CADPS2: variants seen among roughly 807,000 people sequenced by gnomAD.
CADPS2 encodes calcium dependent secretion activator 2.
Under a neutral mutation model 172.5 loss-of-function variants are expected in CADPS2, and 93 were observed. That is an observed-to-expected ratio of 0.54 (90% CI 0.46 to 0.64). The LOEUF is 0.64. Ranked by LOEUF, CADPS2 falls within the 30% of genes least tolerant of loss-of-function variation. The pLI is 0.00. For synonymous variants in CADPS2, 546 were observed against 555.2 expected, an observed-to-expected ratio of 0.98 and a Z score of 0.23; for missense variants, 1,420 against 1,565.9, an observed-to-expected ratio of 0.91 and a Z score of 1.57.
At chr7:122,845,588 T>A (rs114005465) in intron 1 of CADPS2, among the ~76,000 whole-genome samples, 2,231 of 152,208 alleles carry the variant, frequency 0.015, 54 homozygotes, top group African/African-American at 0.051. Context: ...CCTCGCTACA[T>A]CCCCTCAGGA....
chr7:122,338,678 A>G (rs1380912033), intron 28 of CADPS2, among the ~76,000 whole-genome samples: 1 of 152,208 alleles, frequency 6.6e-6, no homozygotes, highest in African/African-American at 2.4e-5. Flanking sequence ...AGACCATATA[A>G]CAACTATACA....
rs573426549 is a variant in CADPS2 at position 122,320,379 on chromosome 7, A to G, written c.3718-41T>C. 7.9e-6 allele frequency: 12 copies of G among 1,516,384 alleles called. No individual in the cohort carries two copies. In the East Asian group the frequency reaches 2.6e-4, roughly 32 times the overall value. 93.9% of individuals were successfully genotyped at this position (1,516,384 alleles called of 1,614,324 possible). A position where few individuals can be genotyped will look rare whatever the true frequency, so the allele number is the denominator to read the frequency against. On this transcript the variant is annotated intron_variant, in intron 29 of 29. Transcript: ENST00000449022. ...AAAATTTGCTTAGCTCACTTAGATT[A>G]TATGCGTGTACATAGATATATACTC... is the stretch of plus-strand genomic sequence containing the variant.
chr7:122,729,482 C>G (rs572305792), intron 2 of CADPS2, among the ~76,000 whole-genome samples: 46 of 151,884 alleles, frequency 3.0e-4, no homozygotes, highest in Non-Finnish European at 5.5e-4. Context: ...TACATTCCCA[C>G]CAACAGTATA....
intron 20 of CADPS2, among the ~76,000 whole-genome samples, chr7:122,395,272 C>T (rs1279727606): frequency 1.3e-5 from 2 of 152,138 alleles, no homozygotes; most frequent in East Asian, 3.9e-4. Flanking sequence ...GGAAGTAATT[C>T]TAAACACAGA....
intron 2 of CADPS2, among the ~76,000 whole-genome samples, chr7:122,710,048 A>AT (rs1231204839): frequency 8.0e-6 from 1 of 125,506 alleles, no homozygotes; most frequent in Non-Finnish European, 1.7e-5. Context: ...TTAAAGTATA[A>AT]TAAAAAAAAA....
intron 2 of CADPS2, among the ~76,000 whole-genome samples, chr7:122,701,451 A>C (rs907005021): frequency 6.6e-6 from 1 of 152,066 alleles, no homozygotes; most frequent in East Asian, 1.9e-4. Flanking sequence ...GGGGTGGGGG[A>C]AGCGGGGAGG....
chr7:122,874,918 C>T (rs886723944), intron 1 of CADPS2, among the ~76,000 whole-genome samples: 2 of 151,978 alleles, frequency 1.3e-5, no homozygotes, highest in Non-Finnish European at 2.9e-5. Context: ...AGACCTAAAA[C>T]CATAAAAACC....
chr7:122,480,629 A>G (rs2057175764), intron 12 of CADPS2, among the ~76,000 whole-genome samples: 1 of 152,122 alleles, frequency 6.6e-6, no homozygotes, highest in Non-Finnish European at 1.5e-5. Context: ...ATTCGTGGCT[A>G]TTACCCTTGT....
intron 17 of CADPS2, among the ~76,000 whole-genome samples, chr7:122,421,361 A>C (rs1370234480): frequency 6.6e-6 from 1 of 152,190 alleles, no homozygotes; most frequent in Non-Finnish European, 1.5e-5. Context: ...TTGCAGCTAA[A>C]CAATAAATAG....
chr7:122,713,127 T>C (rs1049593811), intron 2 of CADPS2, among the ~76,000 whole-genome samples: 5 of 152,128 alleles, frequency 3.3e-5, no homozygotes, highest in African/African-American at 9.7e-5. Context: ...ATACAGCATA[T>C]CTGTTCACAA....
chr7:122,687,123 C>T (rs554064976), intron 2 of CADPS2, among the ~76,000 whole-genome samples: 3 of 152,214 alleles, frequency 2.0e-5, no homozygotes, highest in Non-Finnish European at 4.4e-5. Flanking sequence ...ACTTTTTACA[C>T]AAGGGAGCTA....
chr7:122,863,159 G>A (rs1277632822), intron 1 of CADPS2, among the ~76,000 whole-genome samples: 1 of 152,114 alleles, frequency 6.6e-6, no homozygotes, highest in Non-Finnish European at 1.5e-5. Context: ...TTTCAAAATG[G>A]TGAGCAATTC....
chr7:122,525,153 T>C (rs1221485754), intron 8 of CADPS2, among the ~76,000 whole-genome samples: 2 of 151,682 alleles, frequency 1.3e-5, no homozygotes, highest in East Asian at 2.0e-4. Flanking sequence ...AAAAAAAAAA[T>C]TCTTTAAAAA....
chr7:122,751,967 G>C (rs1214740509), intron 1 of CADPS2, among the ~76,000 whole-genome samples: 4 of 152,094 alleles, frequency 2.6e-5, no homozygotes, highest in Non-Finnish European at 1.5e-5. Flanking sequence ...CTGAAGAAGA[G>C]CGAGTCCTTA....
At chr7:122,779,884 T>C (rs1309694995) in intron 1 of CADPS2, among the ~76,000 whole-genome samples, 1 of 151,928 alleles carries the variant, frequency 6.6e-6, no homozygotes, top group Admixed American at 6.5e-5. Context: ...TCCATTGACT[T>C]CCTAGGTAGC....
At chr7:122,611,782 C>T (rs1294941418) in intron 6 of CADPS2, among the ~76,000 whole-genome samples, 1 of 151,998 alleles carries the variant, frequency 6.6e-6, no homozygotes, top group East Asian at 1.9e-4. Flanking sequence ...AGGACAATAT[C>T]TCTTATGAAT....
Position 122,508,449 on chromosome 7 carries a change from G to GTTTTTTTTTTTTT in CADPS2, c.1542+4787_1542+4799dup, listed in dbSNP as rs1205155217. On this transcript the variant is annotated intron_variant, in intron 9 of 29. Transcript: ENST00000449022. ...TCCAGTTATTTATTTATTCATTTAA[G>GTTTTTTTTTTTTT]TTTTTTTTTTTTTTTTTTTTTTTTT... Among the ~76,000 whole-genome samples, 35 of 68,430 alleles carry GTTTTTTTTTTTTT rather than the reference G, an allele frequency of 5.1e-4. 4 individuals carry two copies. Among genetic ancestry groups the GTTTTTTTTTTTTT allele is most frequent in the Non-Finnish European group, 9.7e-4 (32 of 32,902 alleles). 44.9% of individuals were successfully genotyped at this position (68,430 alleles called of 152,430 possible).
chr7:122,708,653 T>C (rs1246902497), intron 2 of CADPS2, among the ~76,000 whole-genome samples: 1 of 150,628 alleles, frequency 6.6e-6, no homozygotes, highest in Non-Finnish European at 1.5e-5. Context: ...TGGAATATGA[T>C]CAAATCCATT....
intron 8 of CADPS2, among the ~76,000 whole-genome samples, chr7:122,528,834 T>G (rs1291776607): frequency 1.3e-5 from 2 of 152,136 alleles, no homozygotes; most frequent in Non-Finnish European, 1.5e-5. Flanking sequence ...CATAAACTAC[T>G]AAACATTAAA....
Sources: allele counts gnomAD v4.1 joint callset (sites outside exome capture counted in the v4.1 genomes callset), GRCh38; gene constraint gnomAD v4.1.1; transcripts MANE v1.5; gene names NCBI Gene and HGNC (gene_info 2026-07-23, HGNC 2026-07-21).